Variants in PRH1 observed in about 807,000 individuals in gnomAD.
The protein encoded by PRH1 is proline rich protein HaeIII subfamily 1.
Under a neutral mutation model 7.9 loss-of-function variants are expected in PRH1, and 7 were observed. The ratio of observed to expected loss-of-function variants is 0.89; its 90% confidence interval spans 0.50 to 1.67. The LOEUF (loss-of-function observed/expected upper bound fraction) is 1.67, where lower values mean the gene tolerates loss of function less well. Ranked by LOEUF, PRH1 falls within the 40% of genes most tolerant of loss-of-function variation. The pLI is 0.00. For missense variants in PRH1, 109 were observed against 223.6 expected, an observed-to-expected ratio of 0.49 and a Z score of 3.27; for synonymous variants, 45 against 80.8, an observed-to-expected ratio of 0.56 and a Z score of 2.38.
intron 1 of PRH1, among the ~76,000 whole-genome samples, chr12:11,053,086 T>C: frequency 6.6e-6 from 1 of 152,290 alleles, no homozygotes; most frequent in African/African-American, 2.4e-5. Flanking sequence ...TTTTTTTGGA[T>C]ATTAGCTTGT....
intron 1 of PRH1, among the ~76,000 whole-genome samples, chr12:11,151,917 C>G (rs1343241437): frequency 6.8e-6 from 1 of 146,400 alleles, no homozygotes; most frequent in Non-Finnish European, 1.5e-5. Context: ...TTTCTGGAAT[C>G]AGCATTTCTT....
chr12:10,923,236 C>T (rs1387041694), intron 2 of PRH1, among the ~76,000 whole-genome samples: 4 of 152,102 alleles, frequency 2.6e-5, no homozygotes, highest in East Asian at 1.9e-4. Context: ...AGTAATTCTC[C>T]TTCCTCAGTC....
In PRH1 at chr12:11,090,694, G is replaced by C. The variant is rs1267827029; in HGVS notation, n.124-43506C>G. Among the ~76,000 whole-genome samples the C allele has an allele frequency of 5.1e-5, 6 of 117,828 alleles. 1 individual carries two copies. Among genetic ancestry groups the C allele is most frequent in the African/African-American group, 5.7e-5 (2 of 34,944 alleles). 77.3% of individuals were successfully genotyped at this position (117,828 alleles called of 152,430 possible). A position where few individuals can be genotyped will look rare whatever the true frequency, so the allele number is the denominator to read the frequency against. ...TCACTCAAATTCTATTGTGTGCATT[G>C]TTTTCTAACAATAATTCTCATTGCT... is the stretch of plus-strand genomic sequence containing the variant. On this transcript the variant is annotated intron_variant and non_coding_transcript_variant, in intron 1 of 4. Transcript: ENST00000541977.
intron 1 of PRH1, among the ~76,000 whole-genome samples, chr12:10,977,909 T>C (rs1939176365): frequency 6.6e-6 from 1 of 151,852 alleles, no homozygotes; most frequent in Admixed American, 6.6e-5. Context: ...AAATCAAATA[T>C]GACACAGACA....
downstream of PRH1, among the ~76,000 whole-genome samples, chr12:11,115,967 C>G (rs2136313497): frequency 6.6e-6 from 1 of 151,850 alleles, no homozygotes; most frequent in Non-Finnish European, 1.5e-5. Context: ...AATAAACAAC[C>G]TAAATGTGTA....
At chr12:10,911,035 A>C (rs1303025354) in intron 2 of PRH1, among the ~76,000 whole-genome samples, 1 of 152,196 alleles carries the variant, frequency 6.6e-6, no homozygotes, top group African/African-American at 2.4e-5. Context: ...TGTCTCCTTT[A>C]ACAGTTTGTT....
chr12:11,021,376 T>C (rs1341505803), intron 1 of PRH1, among the ~76,000 whole-genome samples: 3 of 152,194 alleles, frequency 2.0e-5, no homozygotes, highest in Non-Finnish European at 4.4e-5. Flanking sequence ...TAATAAATTC[T>C]TCAAATGAAA....
chr12:10,982,378 G>A (rs1373263694), intron 1 of PRH1, among the ~76,000 whole-genome samples: 1 of 152,218 alleles, frequency 6.6e-6, no homozygotes, highest in Admixed American at 6.5e-5. Flanking sequence ...ATTATAGGAT[G>A]AATGCACATT....
At chr12:10,944,631 G>T (rs115825361) in intron 2 of PRH1, among the ~76,000 whole-genome samples, 3,010 of 152,242 alleles carry the variant, frequency 0.02, 33 homozygotes, top group South Asian at 0.031. Context: ...ATCGTTTCCT[G>T]TTGCTGGTTT....
chr12:10,978,001 T>C (rs952842678), intron 1 of PRH1, among the ~76,000 whole-genome samples: 2 of 151,730 alleles, frequency 1.3e-5, no homozygotes, highest in Non-Finnish European at 2.9e-5. Flanking sequence ...ATTTACAGAT[T>C]CAGTGCTATT....
At chr12:10,952,476 A>T (rs940348773) in intron 2 of PRH1, among the ~76,000 whole-genome samples, 6 of 151,806 alleles carry the variant, frequency 4.0e-5, no homozygotes, top group Admixed American at 2.0e-4. Context: ...CAATAAAATA[A>T]TTTTTTTTTA....
chr12:11,005,238 T>C (rs552629428), intron 1 of PRH1, among the ~76,000 whole-genome samples: 1 of 152,276 alleles, frequency 6.6e-6, no homozygotes, highest in African/African-American at 2.4e-5. Context: ...AAGATGAAAT[T>C]TTTCATACTG....
intron 2 of PRH1, chr12:10,930,314 A>ATTT: frequency 6.2e-7 from 1 of 1,609,916 alleles, no homozygotes; most frequent in Non-Finnish European, 8.5e-7. Context: ...GGTAAATCCC[A>ATTT]ATAAATTCTC....
chr12:11,025,033 T>TG (rs1373911298), intron 1 of PRH1, among the ~76,000 whole-genome samples: 2 of 151,712 alleles, frequency 1.3e-5, no homozygotes, highest in African/African-American at 4.8e-5. Flanking sequence ...TTTTTTTTTT[T>TG]TTTTTGAGAC....
At chr12:11,156,844 A>T (rs914556789) in intron 1 of PRH1, among the ~76,000 whole-genome samples, 1 of 139,154 alleles carries the variant, frequency 7.2e-6, no homozygotes, top group African/African-American at 2.7e-5. Flanking sequence ...GAAAACACCA[A>T]TTTTTTTTTT....
chr12:10,977,905 A>G (rs1280674083), intron 1 of PRH1, among the ~76,000 whole-genome samples: 4 of 152,154 alleles, frequency 2.6e-5, no homozygotes, highest in Non-Finnish European at 5.9e-5. Flanking sequence ...ACAGAAATCA[A>G]ATATGACACA....
At chr12:11,103,458 G>A (rs933495404) in intron 1 of PRH1, among the ~76,000 whole-genome samples, 7 of 150,342 alleles carry the variant, frequency 4.7e-5, no homozygotes, top group East Asian at 3.9e-4. Context: ...CAAACTCCAC[G>A]TGTTCTCACT....
chr12:10,991,338 T>C (rs924045053), intron 1 of PRH1, among the ~76,000 whole-genome samples: 4 of 152,196 alleles, frequency 2.6e-5, no homozygotes, highest in African/African-American at 9.6e-5. Flanking sequence ...CAATCATTAT[T>C]CTATCTGTAT....
At chr12:10,891,944 AGAG>A (rs1026359406) in intron 2 of PRH1, 5 of 152,192 alleles carry the variant, frequency 3.3e-5, no homozygotes, top group African/African-American at 7.2e-5. Context: ...AAGAAGAAGA[AGAG>A]AAGAGTCTTT....
Sources: allele counts gnomAD v4.1 joint callset (sites outside exome capture counted in the v4.1 genomes callset), GRCh38; gene constraint gnomAD v4.1.1; transcripts MANE v1.5; gene names NCBI Gene and HGNC (gene_info 2026-07-23, HGNC 2026-07-21).